MLLT6: variants seen among roughly 807,000 people sequenced by gnomAD.
MLLT6 encodes protein AF-17.
MLLT6 carries 22 observed loss-of-function variants against 103.0 expected under a neutral mutation model. The observed-to-expected ratio is 0.21, with a 90% CI of 0.15 to 0.31. The LOEUF is 0.31. MLLT6 is among the 10% of genes least tolerant of loss of function. The pLI is 1.00. For synonymous variants in MLLT6, 606 were observed against 623.5 expected, an observed-to-expected ratio of 0.97 and a Z score of 0.42; for missense variants, 1,199 against 1,441.7, an observed-to-expected ratio of 0.83 and a Z score of 2.73.
At position 38,712,011 on chromosome 17, in the gene MLLT6, G is replaced by A. The variant is rs141680178; in HGVS notation, c.717G>A (p.Lys239=). The A allele has an allele frequency of 1.3e-6, 2 of 1,565,564 alleles. No homozygotes were observed. Among genetic ancestry groups the A allele is most frequent in the Admixed American group, 1.9e-5 (1 of 53,076 alleles). ...CCACCCACCACGAGAGGGGCCAGAA[G>A]AAGGTAGAAGTCCTCCCCCACCTGC... ...KHPTHHERGQ[K]KSRKDKERLK... is the part of the protein sequence containing the mutation. Residue 239 remains lysine, a synonymous_variant, in exon 7 of 20, where the codon AAG becomes AAA. Coordinates refer to ENST00000621332, the MANE Select transcript of MLLT6 (RefSeq NM_005937.4).
chr17:38,717,686 C>A, intron 11 of MLLT6, 73 bp downstream of exon 11: 8 of 1,539,444 alleles, frequency 5.2e-6, no homozygotes, highest in Non-Finnish European at 6.2e-6. Flanking sequence ...CCCAGCCTTC[C>A]ATGGGAATTG....
Position 38,716,113 on chromosome 17 carries a change from A to T in MLLT6, c.1037-254A>T. 1.7e-6 allele frequency: 1 copy of T among 595,946 alleles called. No homozygotes were observed. Among genetic ancestry groups the T allele is most frequent in the Non-Finnish European group, 2.9e-6 (1 of 339,994 alleles). 36.9% of individuals were successfully genotyped at this position (595,946 alleles called of 1,614,324 possible). A position where few individuals can be genotyped will look rare whatever the true frequency, so the allele number is the denominator to read the frequency against. ...CAATTTTTCAAGAACCCCCATTAAC[A>T]TTTTCTCCTATAATCGCTACAGTCA... On this transcript the variant is annotated intron_variant, in intron 9 of 19. Coordinates refer to ENST00000621332, the MANE Select transcript of MLLT6 (RefSeq NM_005937.4). The surrounding 1 kb of genome is among the most constrained non-coding windows in gnomAD (Gnocchi z 5.6).
At chr17:38,723,502 CAG>C (rs1419161238) in intron 18 of MLLT6, among the ~76,000 whole-genome samples, 2 of 151,988 alleles carry the variant, frequency 1.3e-5, no homozygotes, top group Non-Finnish European at 2.9e-5. Context: ...AAAAACAAAA[CAG>C]GGAGTTGAAA....
In MLLT6 at chr17:38,712,887, C is replaced by T. The variant is rs1020818362; in HGVS notation, c.819+98C>T. The stretch of plus-strand genomic sequence containing the variant: ...GGTTGGTGAGTCAGGGACCTGGGCA[C>T]CCTCCCCACAGCTTCAAGTTAATGC... On this transcript the variant is annotated intron_variant, in intron 8 of 19. Coordinates refer to ENST00000621332, the MANE Select transcript of MLLT6 (RefSeq NM_005937.4). 2.5e-4 allele frequency: 210 copies of T among 833,844 alleles called. 1 individual carries two copies. The highest frequency in any genetic ancestry group is 2.5e-3 in the Middle Eastern group (11 of 4,484). 51.7% of individuals were successfully genotyped at this position (833,844 alleles called of 1,614,324 possible). A position where few individuals can be genotyped will look rare whatever the true frequency, so the allele number is the denominator to read the frequency against.
In MLLT6 at chr17:38,716,916, C is replaced by T. The variant is rs1465336018; in HGVS notation, c.1586C>T (p.Ser529Phe). ...AGCTCCGGCCTGGGAGGTCTGTCCT[C>T]CCGAACCTTTGGGCCTTCTGGGAGC... is the stretch of plus-strand genomic sequence containing the variant. ...LVSSGLGGLS[S>F]RTFGPSGSLP... Residue 529 changes from serine (S) to phenylalanine (F), a missense_variant, in exon 10 of 20, where the codon TCC (serine) becomes TTC (phenylalanine). Transcript: ENST00000621332. The surrounding 1 kb of genome is among the most constrained non-coding windows in gnomAD (Gnocchi z 5.6). The T allele has an allele frequency of 1.2e-6, 2 of 1,613,830 alleles. No homozygotes were observed. The highest frequency in any genetic ancestry group is 1.7e-6 in the Non-Finnish European group (2 of 1,179,952).
At chr17:38,719,938 C>T (rs1337917201) in intron 14 of MLLT6, 43 bp downstream of exon 14, 2 of 1,518,502 alleles carry the variant, frequency 1.3e-6, no homozygotes, top group South Asian at 1.2e-5. Flanking sequence ...CCCTAGGGCC[C>T]TAACAGTCAC....
At chr17:38,719,640 G>GGAGGGAC in intron 13 of MLLT6, 57 bp downstream of exon 13, 1 of 1,568,606 alleles carries the variant, frequency 6.4e-7, no homozygotes, top group Non-Finnish European at 8.7e-7. Flanking sequence ...ACCCGAGGGA[G>GGAGGGAC]GAGGGACGGA....
At chr17:38,708,231 A>G (rs1407453913) in intron 4 of MLLT6, 2 of 251,194 alleles carry the variant, frequency 8.0e-6, no homozygotes, top group Non-Finnish European at 1.5e-5. Flanking sequence ...TGCCCGCTCA[A>G]TGGAACGCAA....
chr17:38,708,035 A>G (rs1469318583), intron 4 of MLLT6, 163 bp downstream of exon 4: 13 of 609,870 alleles, frequency 2.1e-5, no homozygotes, highest in Non-Finnish European at 3.9e-5. Context: ...GTTGACAGAC[A>G]CACTCATGCT....
chr17:38,729,329 A>G lies in MLLT6; in HGVS notation c.*3731A>G, dbSNP rs1906199604. The stretch of plus-strand genomic sequence containing the variant: ...CTGGGAATTCCAAGGAAGGTGGGCA[A>G]GTAGCCTTGGCTCTCTCCCACCATG... On this transcript the variant is annotated 3_prime_UTR_variant, in exon 20 of 20. Transcript: ENST00000621332. 1.3e-5 allele frequency: 3 copies of G among 233,234 alleles called. No individual in the cohort carries two copies. Among genetic ancestry groups the G allele is most frequent in the African/African-American group, 6.6e-5 (3 of 45,350 alleles). 14.4% of individuals were successfully genotyped at this position (233,234 alleles called of 1,614,324 possible).
At chr17:38,725,418 C>T in intron 19 of MLLT6, 139 bp from the exon 20 acceptor site, 1 of 775,328 alleles carries the variant, frequency 1.3e-6, no homozygotes, top group Non-Finnish European at 2.1e-6. Context: ...GTGCACACCC[C>T]TCAGAGCCCA....
At position 38,709,031 on chromosome 17, in the gene MLLT6, C is replaced by A; in HGVS notation, c.355-142C>A. The stretch of plus-strand genomic sequence containing the variant: ...GTCTTGGACGGCGCAGACCATAGAG[C>A]GTTTTCATCACTGCAGACAGTTCTG... On this transcript the variant is annotated intron_variant, in intron 4 of 19. Transcript: ENST00000621332. The surrounding 1 kb of genome is among the most constrained non-coding windows in gnomAD (Gnocchi z 4.3). 1 of 676,914 alleles carries A rather than the reference C, an allele frequency of 1.5e-6. No individual in the cohort carries two copies. Among genetic ancestry groups the A allele is most frequent in the Non-Finnish European group, 2.6e-6 (1 of 388,596 alleles). The allele number at this position is 676,914 out of a possible 1,614,324, so 41.9% of individuals were successfully genotyped here.
Position 38,716,258 on chromosome 17 carries a change from CA to C in MLLT6, c.1037-108del. 1 of 1,179,708 alleles carries C rather than the reference CA, an allele frequency of 8.5e-7. No individual in the cohort carries two copies. Among genetic ancestry groups the C allele is most frequent in the Non-Finnish European group, 1.2e-6 (1 of 834,362 alleles). The allele number at this position is 1,179,708 out of a possible 1,614,324, so 73.1% of individuals were successfully genotyped here. On this transcript the variant is annotated intron_variant, in intron 9 of 19. Coordinates refer to ENST00000621332, the MANE Select transcript of MLLT6 (RefSeq NM_005937.4). This position sits in a 1 kb window ranked among gnomAD's most constrained non-coding sequence, Gnocchi z 5.6. ...CAGTGGCAGAGCTGAGACAGGAAAC[CA>C]GGCATCCCCATTCGTGGACCAGAGC...
intron 19 of MLLT6, 157 bp from the exon 20 acceptor site, chr17:38,725,400 C>A (rs1598004485): frequency 1.4e-5 from 9 of 662,944 alleles, no homozygotes; most frequent in African/African-American, 1.9e-5. Flanking sequence ...CCCTGCGCAT[C>A]GGCCCTGGTG....
Position 38,726,131 on chromosome 17 carries a change from A to T in MLLT6, c.*533A>T, listed in dbSNP as rs1016946264. The stretch of plus-strand genomic sequence containing the variant: ...CCATCCCTCCCCCCAGCGCAGGGGC[A>T]CAAGCTGAGCTTGTAAAAGCCCACA... On this transcript the variant is annotated 3_prime_UTR_variant, in exon 20 of 20. Transcript: ENST00000621332. The T allele has an allele frequency of 2.6e-5, 6 of 234,140 alleles. No individual in the cohort carries two copies. Among genetic ancestry groups the T allele is most frequent in the African/African-American group, 1.1e-4 (5 of 45,342 alleles). 14.5% of individuals were successfully genotyped at this position (234,140 alleles called of 1,614,324 possible).
Position 38,725,927 on chromosome 17 carries a change from G to T in MLLT6, c.*329G>T. 1 of 376,144 alleles carries T rather than the reference G, an allele frequency of 2.7e-6. No homozygotes were observed. 23.3% of individuals were successfully genotyped at this position (376,144 alleles called of 1,614,324 possible). On this transcript the variant is annotated 3_prime_UTR_variant, in exon 20 of 20. Coordinates refer to ENST00000621332, the MANE Select transcript of MLLT6 (RefSeq NM_005937.4). ...AGAGTGGGCCATGGCAGAAGTAGGG[G>T]GTTGGTTGGACCTGTCACATGAAAT...
At chr17:38,710,495 C>T (rs1905109374) in intron 6 of MLLT6, among the ~76,000 whole-genome samples, 1 of 152,132 alleles carries the variant, frequency 6.6e-6, no homozygotes, top group Non-Finnish European at 1.5e-5. Flanking sequence ...ATCAGAAGGG[C>T]TGAGGCTGGT....
At position 38,719,911 on chromosome 17, in the gene MLLT6, G is replaced by A. The variant is rs1227927365; in HGVS notation, c.2155+16G>A. 3.8e-6 allele frequency: 6 copies of A among 1,559,732 alleles called. No individual in the cohort carries two copies. The highest frequency in any genetic ancestry group is 3.5e-6 in the Non-Finnish European group (4 of 1,152,738). On this transcript the variant is annotated intron_variant, in intron 14 of 19. Coordinates refer to ENST00000621332, the MANE Select transcript of MLLT6 (RefSeq NM_005937.4). ...GGCGTCAACAGTGAGGAGGGGTGGC[G>A]CCGGTCGGGACGCCTGCCCTAGGGC...
intron 14 of MLLT6, 64 bp from the exon 15 acceptor site, chr17:38,720,308 C>A: frequency 1.5e-6 from 1 of 664,182 alleles, no homozygotes; most frequent in Admixed American, 2.6e-5. Flanking sequence ...AGGCCCCGCC[C>A]CCGGTCCCCT....
Sources: allele counts gnomAD v4.1 joint callset (sites outside exome capture counted in the v4.1 genomes callset), GRCh38; gene constraint gnomAD v4.1.1; non-coding constraint Gnocchi (gnomAD v3.1); transcripts MANE v1.5; gene names NCBI Gene and HGNC (gene_info 2026-07-23, HGNC 2026-07-21).